The following CDH12 variants were observed in gnomAD, a reference collection of about 807,000 sequenced individuals.
The protein encoded by CDH12 is cadherin 12.
A neutral mutation model predicts 74.1 loss-of-function variants in CDH12; 41 were observed. The observed-to-expected ratio is 0.55, with a 90% CI of 0.43 to 0.72. CDH12 has a LOEUF of 0.72. Ranked by LOEUF, CDH12 falls within the 30% of genes least tolerant of loss-of-function variation. CDH12 has a pLI of 0.00. For synonymous variants in CDH12, 399 were observed against 355.0 expected (o/e 1.12, Z -1.39); for missense variants, 945 against 977.2 (o/e 0.97, Z 0.44).
At chr5:22,702,845 G>T (rs1032627203) in intron 1 of CDH12, among the ~76,000 whole-genome samples, 1 of 152,032 alleles carries the variant, frequency 6.6e-6, no homozygotes, top group South Asian at 2.1e-4. Flanking sequence ...ATCAAATAAT[G>T]CTCCAAATTG....
intron 4 of CDH12, among the ~76,000 whole-genome samples, chr5:22,100,870 T>G (rs1410682925): frequency 6.6e-6 from 1 of 152,160 alleles, no homozygotes; most frequent in Non-Finnish European, 1.5e-5. Context: ...ATAATTTCAC[T>G]TATTAAAATG....
chr5:22,201,169 T>C (rs1041701713), intron 4 of CDH12, among the ~76,000 whole-genome samples: 1 of 152,138 alleles, frequency 6.6e-6, no homozygotes, highest in Non-Finnish European at 1.5e-5. Flanking sequence ...AAAGCAGATA[T>C]GATGCAGCAT....
Position 22,145,180 on chromosome 5 carries a change from C to T in CDH12, c.-186-66318G>A, listed in dbSNP as rs549481895. On this transcript the variant is annotated intron_variant, in intron 4 of 14. Transcript: ENST00000382254. ...GTTGCATTGTGTGAGAAAATAGCTA[C>T]GGCCATTTGTGACAAAATCACATAT... Among the ~76,000 whole-genome samples, 22 of 152,180 alleles carry T rather than the reference C, an allele frequency of 1.4e-4. No homozygotes were observed. In the East Asian group the frequency reaches 1.7e-3, roughly 12 times the overall value.
At chr5:22,117,465 TATAA>T (rs1561128726) in intron 4 of CDH12, among the ~76,000 whole-genome samples, 11 of 65,292 alleles carry the variant, frequency 1.7e-4, no homozygotes, top group African/African-American at 5.0e-4. Flanking sequence ...ATATTATATA[TATAA>T]TATATATATT....
intron 1 of CDH12, among the ~76,000 whole-genome samples, chr5:22,559,774 A>G (rs531982492): frequency 4.8e-4 from 73 of 152,282 alleles, no homozygotes; most frequent in Middle Eastern, 6.8e-3. Context: ...ATCTTATTAT[A>G]GTTTCTGGCA....
At chr5:22,306,630 C>T (rs982921972) in intron 3 of CDH12, among the ~76,000 whole-genome samples, 4 of 152,082 alleles carry the variant, frequency 2.6e-5, no homozygotes, top group Non-Finnish European at 4.4e-5. Context: ...CTAGCACACA[C>T]TTTGTGCTCA....
chr5:22,472,495 A>T (rs375880613), intron 2 of CDH12, among the ~76,000 whole-genome samples: 1 of 152,124 alleles, frequency 6.6e-6, no homozygotes, highest in Non-Finnish European at 1.5e-5. Flanking sequence ...AACCTCAGAC[A>T]TGGATATCCA....
chr5:22,684,646 T>C (rs1741667419), intron 1 of CDH12, among the ~76,000 whole-genome samples: 1 of 152,194 alleles, frequency 6.6e-6, no homozygotes, highest in African/African-American at 2.4e-5. Context: ...CTCAAAGAAA[T>C]GTCAATGCAT....
chr5:22,300,256 G>A (rs2150419190), intron 3 of CDH12, among the ~76,000 whole-genome samples: 1 of 152,306 alleles, frequency 6.6e-6, no homozygotes, highest in Admixed American at 6.5e-5. Context: ...CTTCGGCTTT[G>A]TAAAAGCTAC....
chr5:22,681,418 A>C lies in CDH12; in HGVS notation c.-523+171640T>G, dbSNP rs765759688. On this transcript the variant is annotated intron_variant, in intron 1 of 14. Coordinates refer to ENST00000382254, the MANE Select transcript of CDH12 (RefSeq NM_004061.5). ...CTGGTAGTGTGAAAGCATTTTGCTA[A>C]GTTCCATGCCTGAGTAGTATATTGT... is the stretch of plus-strand genomic sequence containing the variant. Among the ~76,000 whole-genome samples, 12 of 152,154 alleles carry C rather than the reference A, an allele frequency of 7.9e-5. 1 individual carries two copies. The highest frequency in any genetic ancestry group is 2.2e-4 in the African/African-American group (9 of 41,530).
intron 6 of CDH12, among the ~76,000 whole-genome samples, chr5:21,863,005 C>A (rs6861202): frequency 0.011 from 1,668 of 152,158 alleles, 30 homozygotes; most frequent in African/African-American, 0.038. Flanking sequence ...GATCCTATTA[C>A]TTTCATTGAT....
intron 1 of CDH12, among the ~76,000 whole-genome samples, chr5:22,700,379 A>G (rs1465227880): frequency 6.6e-6 from 1 of 152,164 alleles, no homozygotes; most frequent in Admixed American, 6.6e-5. Flanking sequence ...TCTGTGTTTA[A>G]GAATCTTCCC....
At chr5:22,070,553 A>G (rs2150216044) in intron 5 of CDH12, among the ~76,000 whole-genome samples, 1 of 152,332 alleles carries the variant, frequency 6.6e-6, no homozygotes, top group East Asian at 1.9e-4. Flanking sequence ...ATGTCACTTG[A>G]GCAAGAAGGA....
chr5:22,290,200 G>A (rs1224551546), intron 3 of CDH12, among the ~76,000 whole-genome samples: 1 of 149,516 alleles, frequency 6.7e-6, no homozygotes, highest in Non-Finnish European at 1.5e-5. Context: ...ATTCAAATGT[G>A]CAGACATCTA....
intron 2 of CDH12, among the ~76,000 whole-genome samples, chr5:22,412,506 A>G (rs990867270): frequency 6.6e-6 from 1 of 151,890 alleles, no homozygotes; most frequent in African/African-American, 2.4e-5. Context: ...TCTTTATCAA[A>G]ACAGTTATTT....
intron 6 of CDH12, among the ~76,000 whole-genome samples, chr5:21,931,173 T>A (rs1372334852): frequency 6.6e-5 from 10 of 152,124 alleles, no homozygotes; most frequent in Non-Finnish European, 1.5e-4. Context: ...CTTATTAGTA[T>A]TCCAGAGCAT....
rs184060078 is a variant in CDH12, at chr5:22,796,181, G to A, written c.-523+56877C>T. On this transcript the variant is annotated intron_variant, in intron 1 of 14. Coordinates refer to ENST00000382254, the MANE Select transcript of CDH12 (RefSeq NM_004061.5). Reference sequence around the variant, plus strand: ...AGTGCTGATATCTCTTTCGAATACCGATTTCATTTTCTTTGGATATATACC... The same window carrying A: ...AGTGCTGATATCTCTTTCGAATACCAATTTCATTTTCTTTGGATATATACC... Among the ~76,000 whole-genome samples the A allele has an allele frequency of 3.8e-4, 58 of 152,144 alleles. No individual in the cohort carries two copies. In the East Asian group the frequency reaches 9.9e-3, roughly 26 times the overall value.
In CDH12 at chr5:21,757,491, A is replaced by G. The variant is rs544640758; in HGVS notation, c.1634-1649T>C. 2.0e-5 allele frequency among the ~76,000 whole-genome samples: 3 copies of G among 152,278 alleles called. No individual in the cohort carries two copies. In the South Asian group the frequency reaches 6.2e-4, roughly 32 times the overall value. On this transcript the variant is annotated intron_variant, in intron 13 of 14. Transcript: ENST00000382254. The stretch of plus-strand genomic sequence containing the variant: ...TTATTTATTGAAAATTGACCATAAC[A>G]AATTTATTGTGATGTCCATAGTGAG...
intron 6 of CDH12, among the ~76,000 whole-genome samples, chr5:21,866,603 G>A (rs114798698): frequency 0.014 from 2,182 of 152,228 alleles, 47 homozygotes; most frequent in African/African-American, 0.049. Context: ...TTTCTAACCA[G>A]TAAAGTATTC....
Sources: gnomAD v4.1 joint callset for allele counts (sites outside exome capture counted in the v4.1 genomes callset) on GRCh38, gnomAD v4.1.1 for gene constraint, MANE v1.5 for transcripts, NCBI Gene and HGNC (gene_info 2026-07-23, HGNC 2026-07-21) for gene names.